CFAP46: variants seen among roughly 807,000 people sequenced by gnomAD.
CFAP46 encodes the protein cilia and flagella associated protein 46, also known as cilia- and flagella-associated protein 46.
In CFAP46, 245 loss-of-function variants were observed where a neutral mutation model predicts 325.7. That is an observed-to-expected ratio of 0.75 (90% CI 0.68 to 0.84). The LOEUF (loss-of-function observed/expected upper bound fraction) is 0.84. Among genes scored for constraint, CFAP46 ranks in the 40% least tolerant of loss-of-function variants. The pLI is 0.00. For missense variants in CFAP46, 3,346 were observed against 3,543.0 expected (o/e 0.94, Z 1.41); for synonymous variants, 1,523 against 1,495.9 (o/e 1.02, Z -0.42).
chr10:132,878,306 C>T (rs1259599475), intron 29 of CFAP46, among the ~76,000 whole-genome samples: 2 of 152,182 alleles, frequency 1.3e-5, no homozygotes, highest in Admixed American at 6.5e-5. Flanking sequence ...CAGGGACATG[C>T]CCGTGAGCCT....
chr10:132,908,468 G>A lies in CFAP46; in HGVS notation c.2924C>T (p.Pro975Leu), dbSNP rs776021325. ...MGIKYLKKFG[P>L]EESRLVAEML... ...TTGTCCAGTCATGAGGGTTACTTAC[G>A]GCCCAAATTTCTTCAGGTACTTGAT... The change falls in exon 22 of 58, where the codon CCC becomes CTC. Residue 975 changes from proline to leucine, a missense_variant and splice_region_variant. Physicochemically the swap from Pro to Leu is moderately conservative, Grantham distance 98. Coordinates refer to ENST00000368586, the MANE Select transcript of CFAP46 (RefSeq NM_001200049.3). 22 of 1,550,334 alleles carry A rather than the reference G, an allele frequency of 1.4e-5. No individual in the cohort carries two copies. The highest frequency in any genetic ancestry group is 3.3e-4 in the Middle Eastern group (2 of 6,012).
intron 43 of CFAP46, 32 bp from the exon 44 acceptor site, chr10:132,846,259 C>A: frequency 6.2e-7 from 1 of 1,604,250 alleles, no homozygotes; most frequent in Non-Finnish European, 8.5e-7. Flanking sequence ...GTACCAGGGG[C>A]CCGAGGCCTG....
Position 132,851,158 on chromosome 10 carries a change from C to T in CFAP46, c.5722G>A (p.Asp1908Asn), listed in dbSNP as rs1848535934. ...TAGTCACTGGTGTTCTGCAGATAGT[C>T]CGCCAGCAGCTTCTCCAGGGACCCC... ...EQGSLEKLLA[D>N]YLQNTSDYTS... The change falls in exon 40 of 58, where the codon GAC becomes AAC. Residue 1908 changes from aspartate (D) to asparagine (N), a missense_variant. Physicochemically the swap from Asp to Asn is conservative, Grantham distance 23 (BLOSUM62 1). Transcript: ENST00000368586. 2 of 1,614,068 alleles carry T rather than the reference C, an allele frequency of 1.2e-6. No individual in the cohort carries two copies. The highest frequency in any genetic ancestry group is 2.2e-5 in the East Asian group (1 of 44,882).
rs1849136660 is a variant in CFAP46, at chr10:132,886,665, C to T, written c.3305-706G>A. Among the ~76,000 whole-genome samples the T allele has an allele frequency of 6.6e-6, 1 of 152,172 alleles. No individual in the cohort carries two copies. Among genetic ancestry groups the T allele is most frequent in the African/African-American group, 2.4e-5 (1 of 41,430 alleles). The stretch of plus-strand genomic sequence containing the variant: ...GGGGTGAACACAGGGCCGCATCCCT[C>T]ACACATCCCCAGTGAGCACAGAACC... On this transcript the variant is annotated intron_variant, in intron 25 of 57. Transcript: ENST00000368586. The surrounding 1 kb of genome is among the most constrained non-coding windows in gnomAD (Gnocchi z 5.8).
chr10:132,858,245 G>A (rs899151682), intron 38 of CFAP46, among the ~76,000 whole-genome samples: 1 of 152,192 alleles, frequency 6.6e-6, no homozygotes, highest in Non-Finnish European at 1.5e-5. Context: ...GTTGGGGGCA[G>A]GGCAGTGGGC....
At chr10:132,815,429 C>T (rs1847675281) in intron 50 of CFAP46, among the ~76,000 whole-genome samples, 2 of 152,240 alleles carry the variant, frequency 1.3e-5, no homozygotes, top group Non-Finnish European at 2.9e-5. Context: ...CACTGCCTGA[C>T]CGCCTTCAAA....
At chr10:132,821,121 G>T (rs9794027) in intron 50 of CFAP46, among the ~76,000 whole-genome samples, 968 of 60,612 alleles carry the variant, frequency 0.016, 2 homozygotes, top group Middle Eastern at 0.032. Flanking sequence ...GATGTGTGCT[G>T]TGTGTGTGCT....
chr10:132,941,436 G>A (rs4593925), intron 3 of CFAP46, among the ~76,000 whole-genome samples, 155 bp downstream of exon 3: 6,049 of 152,306 alleles, frequency 0.04, 168 homozygotes, highest in South Asian at 0.065. Flanking sequence ...AAAAAGCATG[G>A]ACAGGAAATG....
At chr10:132,911,752 C>T (rs1416194480) in intron 19 of CFAP46, among the ~76,000 whole-genome samples, 1 of 152,240 alleles carries the variant, frequency 6.6e-6, no homozygotes, top group Non-Finnish European at 1.5e-5. Flanking sequence ...GTCCCACACA[C>T]TGGGTCTGCT....
chr10:132,875,331 G>A (rs1384989490), intron 31 of CFAP46, among the ~76,000 whole-genome samples: 1 of 152,210 alleles, frequency 6.6e-6, no homozygotes, highest in Admixed American at 6.5e-5. Context: ...GTAATTTACA[G>A]ATTCAATGCA....
intron 35 of CFAP46, among the ~76,000 whole-genome samples, chr10:132,864,870 GTCC>G (rs753667519): frequency 3.2e-5 from 4 of 126,428 alleles, no homozygotes; most frequent in East Asian, 4.9e-4. Context: ...GCACACACCT[GTCC>G]CCCTGCCTGA....
intron 28 of CFAP46, among the ~76,000 whole-genome samples, chr10:132,880,086 C>T (rs1287924445): frequency 6.6e-6 from 1 of 151,470 alleles, no homozygotes; most frequent in Non-Finnish European, 1.5e-5. Context: ...CTAGGATGGC[C>T]CTGCTGTGCG....
chr10:132,849,904 C>T (rs1022030800), intron 41 of CFAP46, among the ~76,000 whole-genome samples: 6 of 152,308 alleles, frequency 3.9e-5, no homozygotes, highest in South Asian at 2.1e-4. Context: ...GCCGCTGCTG[C>T]GGGACACACC....
At chr10:132,915,390 G>A (rs1298270305) in intron 17 of CFAP46, among the ~76,000 whole-genome samples, 1 of 152,272 alleles carries the variant, frequency 6.6e-6, no homozygotes, top group African/African-American at 2.4e-5. Context: ...CTGCAGGAGA[G>A]GGATCCCAAG....
chr10:132,913,369 A>AGGGGGG, intron 17 of CFAP46, 111 bp from the exon 18 acceptor site: 1 of 295,698 alleles, frequency 3.4e-6, no homozygotes, highest in African/African-American at 2.7e-5. Context: ...AAGAAGTGGG[A>AGGGGGG]GGGGCGGGTG....
intron 24 of CFAP46, 25 bp from the exon 25 acceptor site, chr10:132,892,442 C>T (rs1045426685): frequency 3.9e-6 from 6 of 1,547,916 alleles, no homozygotes; most frequent in South Asian, 2.4e-5. Context: ...GTAAACGACA[C>T]GTATATTTGA....
Position 132,860,460 on chromosome 10 carries a change from G to C in CFAP46, c.5155C>G (p.Arg1719Gly). The C allele has an allele frequency of 1.9e-6, 3 of 1,551,246 alleles. No individual in the cohort carries two copies. The South Asian group carries it at 3.6e-5, about 18-fold the overall frequency. The change falls in exon 37 of 58, where the codon CGA (arginine) becomes GGA (glycine). Residue 1719 changes from arginine to glycine, a missense_variant. Transcript: ENST00000368586. ...FKILKKERPN[R>G]LPLLEFMITD... The stretch of plus-strand genomic sequence containing the variant: ...ATCATGAATTCCAGTAAAGGCAATC[G>C]GTTTGGTCTTTCTTTCTTGAGGATC...
intron 41 of CFAP46, among the ~76,000 whole-genome samples, chr10:132,848,599 CAA>C (rs1337205250): frequency 1.3e-5 from 2 of 152,186 alleles, no homozygotes; most frequent in African/African-American, 4.8e-5. Context: ...GCTGCACAAA[CAA>C]GAGAGGCTGC....
At chr10:132,836,788 G>A in intron 45 of CFAP46, 29 bp downstream of exon 45, 2 of 1,586,694 alleles carry the variant, frequency 1.3e-6, no homozygotes, top group South Asian at 1.1e-5. Flanking sequence ...CGGGCTGGGG[G>A]CGGCCTCAAC....
Sources: gnomAD v4.1 joint callset for allele counts (sites outside exome capture counted in the v4.1 genomes callset) on GRCh38, gnomAD v4.1.1 for gene constraint, Gnocchi (gnomAD v3.1) non-coding constraint, MANE v1.5 for transcripts, NCBI Gene and HGNC (gene_info 2026-07-23, HGNC 2026-07-21) for gene names.